Variants in CNTLN observed in about 807,000 individuals in gnomAD.
The protein encoded by CNTLN is centlein, centrosomal protein.
In CNTLN, 212 loss-of-function variants were observed where a neutral mutation model predicts 180.0. The ratio of observed to expected loss-of-function variants is 1.18; its 90% CI spans 1.05 to 1.32. The LOEUF (loss-of-function observed/expected upper bound fraction) is 1.32, where lower values mean the gene tolerates loss of function less well. Among genes scored for constraint, CNTLN ranks in the 40% most tolerant of loss-of-function variants. CNTLN has a pLI of 0.00. For synonymous variants in CNTLN, 722 were observed against 563.1 expected (o/e 1.28, Z -3.99); for missense variants, 2,095 against 1,610.9 (o/e 1.30, Z -5.14).
At chr9:17,147,660 G>A (rs1050977890) in intron 2 of CNTLN, among the ~76,000 whole-genome samples, 2 of 152,114 alleles carry the variant, frequency 1.3e-5, no homozygotes, top group African/African-American at 4.8e-5. Flanking sequence ...TTTATTTAAT[G>A]TGGTGTGACT....
intron 18 of CNTLN, among the ~76,000 whole-genome samples, chr9:17,442,177 A>G (rs1830149738): frequency 6.6e-6 from 1 of 152,214 alleles, no homozygotes; most frequent in Non-Finnish European, 1.5e-5. Context: ...TGAACCTAAC[A>G]GATATGTAGA....
intron 2 of CNTLN, among the ~76,000 whole-genome samples, chr9:17,149,963 T>C (rs903684927): frequency 6.6e-6 from 1 of 152,236 alleles, no homozygotes; most frequent in Non-Finnish European, 1.5e-5. Context: ...TTGTGAGAAG[T>C]GTCTGTTCAT....
intron 7 of CNTLN, among the ~76,000 whole-genome samples, chr9:17,308,207 T>A (rs192672128): frequency 6.6e-6 from 1 of 151,620 alleles, no homozygotes; most frequent in East Asian, 1.9e-4. Flanking sequence ...CACTTATATG[T>A]CATGTTATCT....
intron 18 of CNTLN, among the ~76,000 whole-genome samples, chr9:17,454,233 AATAG>A (rs1426420234): frequency 2.0e-5 from 3 of 152,140 alleles, no homozygotes; most frequent in East Asian, 3.9e-4. Context: ...ATAAATTATT[AATAG>A]ATAGTGTCTA....
intron 6 of CNTLN, among the ~76,000 whole-genome samples, chr9:17,283,748 C>A (rs1828806123): frequency 6.6e-6 from 1 of 151,850 alleles, no homozygotes; most frequent in African/African-American, 2.4e-5. Flanking sequence ...ATAAATGGCT[C>A]ATTATTTTGA....
intron 6 of CNTLN, among the ~76,000 whole-genome samples, chr9:17,280,509 C>T (rs1340202299): frequency 6.6e-6 from 1 of 152,150 alleles, no homozygotes; most frequent in Non-Finnish European, 1.5e-5. Context: ...GCCTGAGTCA[C>T]GGATTACATA....
At position 17,388,807 on chromosome 9, in the gene CNTLN, A is replaced by T. The variant is rs533766702; in HGVS notation, c.2079+554A>T. Among the ~76,000 whole-genome samples the T allele has an allele frequency of 2.2e-4, 29 of 128,910 alleles. No homozygotes were observed. In the South Asian group the frequency reaches 7.4e-3, roughly 33 times the overall value. The allele number at this position is 128,910 out of a possible 152,430, so 84.6% of individuals were successfully genotyped here. A position where few individuals can be genotyped will look rare whatever the true frequency, so the allele number is the denominator to read the frequency against. ...ATGTAAACCTTAGTCATATTATAAC[A>T]TGTCTATCATTAATAGTAAAATACT... On this transcript the variant is annotated intron_variant, in intron 14 of 25. Transcript: ENST00000380647.
chr9:17,399,332 T>C (rs2133766824), intron 15 of CNTLN, among the ~76,000 whole-genome samples: 1 of 152,318 alleles, frequency 6.6e-6, no homozygotes, highest in Non-Finnish European at 1.5e-5. Flanking sequence ...CCTACAGTCA[T>C]ACTTTCTACT....
At chr9:17,464,409 A>G (rs1012316797) in intron 20 of CNTLN, 88 bp from the exon 21 acceptor site, 4 of 1,109,672 alleles carry the variant, frequency 3.6e-6, no homozygotes, top group South Asian at 1.6e-5. Flanking sequence ...AAAAAGTAAC[A>G]GTAGGTATAA....
At chr9:17,450,616 T>C (rs187881253) in intron 18 of CNTLN, among the ~76,000 whole-genome samples, 2 of 152,302 alleles carry the variant, frequency 1.3e-5, no homozygotes, top group African/African-American at 4.8e-5. Flanking sequence ...TACTTAATGG[T>C]CTCTAAAGGC....
intron 13 of CNTLN, among the ~76,000 whole-genome samples, 190 bp from the exon 14 acceptor site, chr9:17,387,972 A>G (rs1825814797): frequency 6.6e-6 from 1 of 150,862 alleles, no homozygotes; most frequent in Admixed American, 6.6e-5. Context: ...AGGTGGCACT[A>G]CAAAGATACA....
At chr9:17,416,693 C>T (rs1306108037) in intron 18 of CNTLN, among the ~76,000 whole-genome samples, 1 of 152,066 alleles carries the variant, frequency 6.6e-6, no homozygotes, top group Non-Finnish European at 1.5e-5. Context: ...TCTTTTTACT[C>T]AGGCAAATAG....
chr9:17,271,780 T>G (rs960968801), intron 5 of CNTLN, among the ~76,000 whole-genome samples: 1 of 152,190 alleles, frequency 6.6e-6, no homozygotes, highest in East Asian at 1.9e-4. Flanking sequence ...ATTTGACTCT[T>G]CATCACCTCT....
At chr9:17,319,821 A>G (rs531710929) in intron 8 of CNTLN, among the ~76,000 whole-genome samples, 9 of 152,006 alleles carry the variant, frequency 5.9e-5, no homozygotes, top group African/African-American at 2.2e-4. Flanking sequence ...GTGGGGATTT[A>G]TCTTTCCTTT....
chr9:17,367,891 C>T (rs1823965162), intron 13 of CNTLN, among the ~76,000 whole-genome samples: 1 of 151,740 alleles, frequency 6.6e-6, no homozygotes, highest in Admixed American at 6.6e-5. Context: ...CTGAGATGTG[C>T]TGGATTCAGG....
At chr9:17,454,488 A>G (rs1735264689) in intron 18 of CNTLN, among the ~76,000 whole-genome samples, 1 of 152,196 alleles carries the variant, frequency 6.6e-6, no homozygotes, top group Non-Finnish European at 1.5e-5. Flanking sequence ...CAAACAAGTA[A>G]CTATGACTTA....
intron 2 of CNTLN, among the ~76,000 whole-genome samples, chr9:17,213,915 T>G (rs1823525705): frequency 6.6e-6 from 1 of 152,210 alleles, no homozygotes; most frequent in Non-Finnish European, 1.5e-5. Flanking sequence ...TGGTAGATCT[T>G]CCTCCTTCCC....
intron 12 of CNTLN, among the ~76,000 whole-genome samples, chr9:17,352,340 C>A (rs1287725028): frequency 2.0e-5 from 3 of 149,594 alleles, no homozygotes; most frequent in African/African-American, 2.5e-5. Flanking sequence ...AAAGTTCAGC[C>A]ATTATTTTTT....
At chr9:17,456,972 A>G (rs1177275107) in intron 18 of CNTLN, among the ~76,000 whole-genome samples, 1 of 152,178 alleles carries the variant, frequency 6.6e-6, no homozygotes, top group Non-Finnish European at 1.5e-5. Context: ...CTTTTCAACA[A>G]TCAATCAAGT....
Sources: allele counts gnomAD v4.1 joint callset (sites outside exome capture counted in the v4.1 genomes callset), GRCh38; gene constraint gnomAD v4.1.1; transcripts MANE v1.5; gene names NCBI Gene and HGNC (gene_info 2026-07-23, HGNC 2026-07-21).